KMT2C: variants seen among roughly 807,000 people sequenced by gnomAD.
KMT2C encodes the protein histone-lysine N-methyltransferase 2C.
Under a neutral mutation model 507.9 loss-of-function variants are expected in KMT2C, and 88 were observed. That is an observed-to-expected ratio of 0.17 (90% CI 0.15 to 0.21). KMT2C has a LOEUF of 0.21. Among genes scored for constraint, KMT2C ranks in the 10% least tolerant of loss-of-function variants. The pLI, the probability that KMT2C is intolerant of heterozygous loss-of-function variation, is 1.00. For synonymous variants in KMT2C, 2,049 were observed against 2,080.8 expected (o/e 0.98, Z 0.42); for missense variants, 4,954 against 5,957.8 (o/e 0.83, Z 5.55).
intron 22 of KMT2C, among the ~76,000 whole-genome samples, chr7:152,221,369 C>A (rs543750999): frequency 2.7e-4 from 41 of 152,302 alleles, no homozygotes; most frequent in African/African-American, 9.9e-4. Context: ...TAGAAAAGAT[C>A]AAAAGGCAGG....
chr7:152,308,444 G>C (rs1589090302), intron 6 of KMT2C, among the ~76,000 whole-genome samples: 1 of 152,102 alleles, frequency 6.6e-6, no homozygotes, highest in Non-Finnish European at 1.5e-5. Context: ...AGGAGGCCAA[G>C]GCAGGCAGAT....
chr7:152,255,391 C>T (rs1033024871), intron 9 of KMT2C, among the ~76,000 whole-genome samples: 1 of 151,648 alleles, frequency 6.6e-6, no homozygotes, highest in Non-Finnish European at 1.5e-5. Context: ...GTCTCAAACT[C>T]CTGAGCTCAA....
At chr7:152,153,973 A>G (rs1286513227) in intron 48 of KMT2C, 37 bp downstream of exon 48, 4 of 1,604,200 alleles carry the variant, frequency 2.5e-6, no homozygotes, top group Non-Finnish European at 3.4e-6. Context: ...AATTGGGGAC[A>G]TACTGTTTAA....
rs757639958 is a variant in KMT2C, at chr7:152,310,024, T to G, written c.791A>C (p.Gln264Pro). The change falls in exon 6 of 59, where the codon CAG (glutamine) becomes CCG (proline). Residue 264 changes from glutamine (Q) to proline (P), a missense_variant. Physicochemically the swap from Gln to Pro is moderately conservative, Grantham distance 76 (BLOSUM62 -1). Transcript: ENST00000262189. ...GTTCACTAACAATGGTTCTTCCATC[T>G]GGCATACTCCTAGTGACCACTCCAC... ...RCVEWSLGVC[Q>P]MEEPLLVNVD... The G allele has an allele frequency of 4.6e-5, 74 of 1,613,940 alleles. No homozygotes were observed. Among genetic ancestry groups the G allele is most frequent in the Non-Finnish European group, 6.2e-5 (73 of 1,179,944 alleles).
intron 26 of KMT2C, among the ~76,000 whole-genome samples, chr7:152,202,326 T>C (rs773570199): frequency 3.3e-5 from 5 of 152,214 alleles, no homozygotes; most frequent in Non-Finnish European, 7.3e-5. Context: ...TATTGAGCTG[T>C]TTCCGTATCA....
At chr7:152,196,277 CAG>C (rs2129130988) in intron 27 of KMT2C, among the ~76,000 whole-genome samples, 1 of 152,016 alleles carries the variant, frequency 6.6e-6, no homozygotes, top group African/African-American at 2.4e-5. Context: ...AAAAGTGAAA[CAG>C]AATAAATGCT....
chr7:152,412,041 TC>T (rs2097689820), intron 1 of KMT2C, among the ~76,000 whole-genome samples: 1 of 152,292 alleles, frequency 6.6e-6, no homozygotes, highest in Non-Finnish European at 1.5e-5. Flanking sequence ...GGCCTCACTC[TC>T]CCAAACAGAG....
intron 14 of KMT2C, among the ~76,000 whole-genome samples, chr7:152,243,739 G>A (rs1035259855): frequency 6.6e-6 from 1 of 152,062 alleles, no homozygotes; most frequent in Admixed American, 6.6e-5. Context: ...GAGTGAGGTC[G>A]TGCCACAACT....
chr7:152,170,470 G>C (rs185193999), intron 40 of KMT2C, among the ~76,000 whole-genome samples: 2 of 152,176 alleles, frequency 1.3e-5, no homozygotes, highest in Non-Finnish European at 2.9e-5. Context: ...GAAGAAAAAA[G>C]GAAAAAACAA....
At position 152,398,801 on chromosome 7, in the gene KMT2C, T is replaced by G. The variant is rs145489988; in HGVS notation, c.161+36825A>C. Among the ~76,000 whole-genome samples, 425 of 152,296 alleles carry G rather than the reference T, an allele frequency of 2.8e-3. 11 individuals carry two copies. In the East Asian group the frequency reaches 0.071, roughly 25 times the overall value. The stretch of plus-strand genomic sequence containing the variant: ...TGACATCTTCTAATCTTCCACATAC[T>G]GTAAAAGGCTTAACACACATAATGA... On this transcript the variant is annotated intron_variant, in intron 1 of 58. Transcript: ENST00000262189.
chr7:152,234,472 G>A (rs1341208113), intron 16 of KMT2C, among the ~76,000 whole-genome samples: 2 of 151,930 alleles, frequency 1.3e-5, no homozygotes, highest in East Asian at 1.9e-4. Flanking sequence ...ATAAATTAAC[G>A]TATAATATAA....
intron 58 of KMT2C, 67 bp from the exon 59 acceptor site, chr7:152,136,991 C>T: frequency 8.4e-7 from 1 of 1,190,884 alleles, no homozygotes; most frequent in Non-Finnish European, 1.2e-6. Flanking sequence ...CTGCCTCCAT[C>T]TCCCTTGCAT....
Position 152,162,260 on chromosome 7 carries a change from C to A in KMT2C, c.11317G>T (p.Gly3773Trp), listed in dbSNP as rs2129103637. The change falls in exon 43 of 59, where the codon GGG (glycine) becomes TGG (tryptophan). Residue 3773 changes from glycine (G) to tryptophan (W), a missense_variant. Coordinates refer to ENST00000262189, the MANE Select transcript of KMT2C (RefSeq NM_170606.3). ...AGAPAAKGDS[G>W]NELLKHLLKN... ...AACAAGTGTTTCAGAAGTTCATTCC[C>A]TGAGTCTCCTTTGGCAGCAGGGGCC... 6.2e-7 allele frequency: 1 copy of A among 1,614,166 alleles called. No individual in the cohort carries two copies. Among genetic ancestry groups the A allele is most frequent in the Non-Finnish European group, 8.5e-7 (1 of 1,180,016 alleles).
intron 1 of KMT2C, among the ~76,000 whole-genome samples, chr7:152,380,549 C>G (rs1241256537): frequency 1.4e-5 from 2 of 146,548 alleles, no homozygotes; most frequent in East Asian, 2.0e-4. Flanking sequence ...GCCTGGGCAA[C>G]AAGAGCGAAA....
intron 3 of KMT2C, among the ~76,000 whole-genome samples, chr7:152,326,301 C>A (rs2096827720): frequency 6.6e-6 from 1 of 152,162 alleles, no homozygotes; most frequent in South Asian, 2.1e-4. Context: ...AATACTGAAT[C>A]CCCTAAAATG....
intron 1 of KMT2C, among the ~76,000 whole-genome samples, chr7:152,362,702 G>A (rs1025930218): frequency 1.3e-5 from 2 of 152,076 alleles, no homozygotes; most frequent in African/African-American, 2.4e-5. Flanking sequence ...GACCATCACT[G>A]TCTATGCTGT....
intron 43 of KMT2C, among the ~76,000 whole-genome samples, 181 bp downstream of exon 43, chr7:152,161,936 T>C: frequency 6.6e-6 from 1 of 152,326 alleles, no homozygotes. Flanking sequence ...TATTATTTAA[T>C]ATAGTTTAGA....
At chr7:152,252,489 T>C in intron 10 of KMT2C, 57 bp downstream of exon 10, 2 of 1,412,524 alleles carry the variant, frequency 1.4e-6, no homozygotes, top group Non-Finnish European at 2.0e-6. Flanking sequence ...GTAGAGCAAA[T>C]GACCACATGA....
At chr7:152,312,122 G>A (rs888417395) in intron 4 of KMT2C, 176 bp from the exon 5 acceptor site, 5 of 424,742 alleles carry the variant, frequency 1.2e-5, no homozygotes, top group African/African-American at 2.0e-5. Context: ...ATTAAACTGG[G>A]TTGCCATATT....
Sources: gnomAD v4.1 joint callset for allele counts (sites outside exome capture counted in the v4.1 genomes callset) on GRCh38, gnomAD v4.1.1 for gene constraint, MANE v1.5 for transcripts, NCBI Gene and HGNC (gene_info 2026-07-23, HGNC 2026-07-21) for gene names.